The following AMOTL2 variants were observed in gnomAD, a reference collection of about 807,000 sequenced individuals.
The protein encoded by AMOTL2 is angiomotin like 2.
AMOTL2 carries 33 observed loss-of-function variants against 78.4 expected under a neutral mutation model. The ratio of observed to expected loss-of-function variants is 0.42; its 90% CI spans 0.32 to 0.56. The LOEUF is 0.56. AMOTL2 is among the 20% of genes least tolerant of loss of function. AMOTL2 has a pLI of 0.12. For synonymous variants in AMOTL2, 422 were observed against 428.8 expected (o/e 0.98, Z 0.20); for missense variants, 983 against 1,030.1 (o/e 0.95, Z 0.63).
At position 134,360,312 on chromosome 3, in the gene AMOTL2, G is replaced by C. The variant is rs760293974; in HGVS notation, c.1677C>G (p.Ile559Met). The C allele has an allele frequency of 6.2e-7, 1 of 1,614,202 alleles. No homozygotes were observed. The highest frequency in any genetic ancestry group is 1.3e-5 in the African/African-American group (1 of 75,048). The change falls in exon 7 of 10, where the codon ATC becomes ATG. Residue 559 changes from isoleucine (I) to methionine (M), a missense_variant. Ile to Met is a conservative substitution (Grantham distance 10, BLOSUM62 1). Transcript: ENST00000249883. ...SEQLREKEEQ[I>M]LALEADMTKW... ...TGGTCATGTCGGCCTCCAGCGCCAG[G>C]ATCTGCTCCTCCTTCTCTCGCAGTT...
rs781753734 is a variant in AMOTL2, at chr3:134,359,319, G to A, written c.2068C>T (p.Arg690Ter). 8 of 1,614,170 alleles carry A rather than the reference G, an allele frequency of 5.0e-6. No individual in the cohort carries two copies. The highest frequency in any genetic ancestry group is 1.7e-5 in the Admixed American group (1 of 60,024). Residue 690 changes from arginine (R) to a stop codon, truncating the protein, a stop_gained, in exon 8 of 10, where the codon CGA becomes TGA. Coordinates refer to ENST00000249883, the MANE Select transcript of AMOTL2 (RefSeq NM_016201.4). LOFTEE classifies it high-confidence loss of function. Reference protein sequence around the residue: ...QGWQGLSSSERQTADAPARLT... With the variant: ...QGWQGLSSSE ...CGAGCAGGGGCGTCTGCTGTTTGTC[G>A]CTCACTAGAAGAGAGCCCTTGCCAG... is the stretch of plus-strand genomic sequence containing the variant.
In AMOTL2 at chr3:134,358,727, G is replaced by A; in HGVS notation, c.2105-8C>T. On this transcript the variant is annotated splice_region_variant and splice_polypyrimidine_tract_variant and intron_variant, in intron 8 of 9. Transcript: ENST00000249883. The stretch of plus-strand genomic sequence containing the variant: ...CTGTGGGTGCTCTGTCTGCTGGAAA[G>A]GTAGGTGGATGGTTATTGCCATGCC... 1 of 1,614,050 alleles carries A rather than the reference G, an allele frequency of 6.2e-7. No homozygotes were observed. Among genetic ancestry groups the A allele is most frequent in the Non-Finnish European group, 8.5e-7 (1 of 1,180,002 alleles).
chr3:134,355,573 C>T lies in AMOTL2; in HGVS notation c.*2132G>A, dbSNP rs1051630367. ...AAGGATAAAGCCATCTTTGGACACCCACTCCCACTGTGGATAACCACAGCG... is the reference window on the plus strand; with the variant it reads ...AAGGATAAAGCCATCTTTGGACACCTACTCCCACTGTGGATAACCACAGCG... On this transcript the variant is annotated 3_prime_UTR_variant, in exon 10 of 10. Transcript: ENST00000249883. Among the ~76,000 whole-genome samples, 1 of 152,198 alleles carries T rather than the reference C, an allele frequency of 6.6e-6. No individual in the cohort carries two copies. The highest frequency in any genetic ancestry group is 2.4e-5 in the African/African-American group (1 of 41,440).
intron 2 of AMOTL2, among the ~76,000 whole-genome samples, chr3:134,369,666 G>A (rs1160553960): frequency 6.6e-6 from 1 of 152,216 alleles, no homozygotes; most frequent in African/African-American, 2.4e-5. Context: ...AAAGCCGGAC[G>A]GTGGGAAAGT....
chr3:134,370,678 A>C, intron 2 of AMOTL2, 22 bp downstream of exon 2: 1 of 1,501,640 alleles, frequency 6.7e-7, no homozygotes, highest in Non-Finnish European at 8.9e-7. Context: ...GGAGTTGGAA[A>C]GCCCAAGGTG....
chr3:134,357,836 G>C, intron 9 of AMOTL2, 73 bp from the exon 10 acceptor site: 1 of 1,472,654 alleles, frequency 6.8e-7, no homozygotes, highest in Non-Finnish European at 9.5e-7. Context: ...TGGCACATTT[G>C]AAAGACAAAG....
rs1421529815 is a variant in AMOTL2 at position 134,371,490 on chromosome 3, A to G, written c.-57T>C. The G allele has an allele frequency of 1.9e-6, 3 of 1,588,134 alleles. No homozygotes were observed. The highest frequency in any genetic ancestry group is 2.2e-5 in the South Asian group (2 of 90,890). ...AATGGCCGGTGGCACCTGGCCCCAG[A>G]GCACCTGGAGTGGGGTGGGGAGAGA... On this transcript the variant is annotated 5_prime_UTR_variant, in exon 2 of 10. Coordinates refer to ENST00000249883, the MANE Select transcript of AMOTL2 (RefSeq NM_016201.4).
chr3:134,366,428 C>A lies in AMOTL2; in HGVS notation c.1042-1G>T. On this transcript the variant is annotated splice_acceptor_variant, in intron 3 of 9. Transcript: ENST00000249883. LOFTEE classifies it high-confidence loss of function. ...AGAGCCGCTGGATTTCGCTTTCCAG[C>A]TGCAAGAGTCAGACAGCAGAGCTGA... is the stretch of plus-strand genomic sequence containing the variant. The A allele has an allele frequency of 6.2e-7, 1 of 1,611,810 alleles. No homozygotes were observed. The highest frequency in any genetic ancestry group is 8.5e-7 in the Non-Finnish European group (1 of 1,179,608).
intron 1 of AMOTL2, among the ~76,000 whole-genome samples, chr3:134,372,663 G>T (rs1026485497): frequency 6.6e-6 from 1 of 152,082 alleles, no homozygotes; most frequent in Admixed American, 6.5e-5. Flanking sequence ...AGCCCATCTT[G>T]ACTTGGGCCA....
At position 134,359,411 on chromosome 3, in the gene AMOTL2, T is replaced by C. The variant is rs745411834; in HGVS notation, c.1976A>G (p.Gln659Arg). 3.1e-6 allele frequency: 5 copies of C among 1,614,056 alleles called. No homozygotes were observed. The highest frequency in any genetic ancestry group is 1.3e-5 in the African/African-American group (1 of 74,936). The change falls in exon 8 of 10, where the codon CAG becomes CGG. Residue 659 changes from glutamine (Q) to arginine (R), a missense_variant. Gln to Arg is a conservative substitution (Grantham distance 43). Transcript: ENST00000249883. ...CGACTTGGCAGGCCGCAGGGAGCCC[T>C]GGATGGCCTTGCCAGGGTCTCTCCT... The part of the protein sequence containing the change: ...RSRRDPGKAI[Q>R]GSLRPAKSVP...
Position 134,358,556 on chromosome 3 carries a change from C to G in AMOTL2, c.2268G>C (p.Gln756His), listed in dbSNP as rs1165014966. ...PDSLLGCSSS[Q>H]RAASLDSVAT... ...AGGACTTACCCAGAGAGGCTGCTCT[C>G]TGGCTACTGCTGCACCCCAGAAGGC... The change falls in exon 9 of 10, where the codon CAG (glutamine) becomes CAC (histidine). Residue 756 changes from glutamine to histidine, a missense_variant. Coordinates refer to ENST00000249883, the MANE Select transcript of AMOTL2 (RefSeq NM_016201.4). 12 of 1,613,544 alleles carry G rather than the reference C, an allele frequency of 7.4e-6. No homozygotes were observed. The highest frequency in any genetic ancestry group is 1.0e-5 in the Non-Finnish European group (12 of 1,179,834).
At chr3:134,358,927 C>T (rs1473141266) in intron 8 of AMOTL2, among the ~76,000 whole-genome samples, 1 of 152,196 alleles carries the variant, frequency 6.6e-6, no homozygotes, top group Non-Finnish European at 1.5e-5. Flanking sequence ...TGGTGGGACC[C>T]TTCCTTATAG....
intron 6 of AMOTL2, among the ~76,000 whole-genome samples, chr3:134,360,884 T>G (rs1181589208): frequency 6.6e-6 from 1 of 152,224 alleles, no homozygotes; most frequent in Middle Eastern, 3.2e-3. Flanking sequence ...ATATAAAAGC[T>G]GGCTGGTGGC....
In AMOTL2 at chr3:134,373,407, G is replaced by C. The variant is rs371851205; in HGVS notation, c.-62+935C>G. 17 of 932,502 alleles carry C rather than the reference G, an allele frequency of 1.8e-5. No homozygotes were observed. In the East Asian group the frequency reaches 1.8e-3, roughly 97 times the overall value. The allele number at this position is 932,502 out of a possible 1,614,324, so 57.8% of individuals were successfully genotyped here. On this transcript the variant is annotated intron_variant, in intron 1 of 9. Transcript: ENST00000249883. Reference sequence around the variant, plus strand: ...ACTGGGAGCAAGGAACATCTCCAAGGCCTCTCATCGCGAATTTGTCCCGGC... The same window carrying C: ...ACTGGGAGCAAGGAACATCTCCAAGCCCTCTCATCGCGAATTTGTCCCGGC...
chr3:134,362,886 C>G (rs1359190081), intron 5 of AMOTL2, among the ~76,000 whole-genome samples: 1 of 152,106 alleles, frequency 6.6e-6, no homozygotes, highest in African/African-American at 2.4e-5. Flanking sequence ...TATGGGCTCC[C>G]GCTAATGAAC....
At chr3:134,357,924 C>T (rs973061073) in intron 9 of AMOTL2, among the ~76,000 whole-genome samples, 161 bp from the exon 10 acceptor site, 1 of 152,242 alleles carries the variant, frequency 6.6e-6, no homozygotes, top group South Asian at 2.1e-4. Flanking sequence ...TGCTCTGCCC[C>T]CTTTCAGTGC....
chr3:134,358,667 AT>A lies in AMOTL2; in HGVS notation c.2156del (p.His719LeufsTer46). On this transcript the variant is annotated frameshift_variant, in exon 9 of 10. Transcript: ENST00000249883. LOFTEE classifies it high-confidence loss of function. ...TCCCATCTCTGCTCCCGTGTTTGGCATGGGCAGCAGGGGGAGCTGTGACCAC... is the reference window on the plus strand; with the variant it reads ...TCCCATCTCTGCTCCCGTGTTTGGCAGGGCAGCAGGGGGAGCTGTGACCAC... ...EPVVTAPPAA[H>X]AKHGSRDGST... 6.2e-7 allele frequency: 1 copy of A among 1,614,056 alleles called. No individual in the cohort carries two copies. Among genetic ancestry groups the A allele is most frequent in the East Asian group, 2.2e-5 (1 of 44,854 alleles).
rs752185703 is a variant in AMOTL2, at chr3:134,357,774, A to G, written c.2285-11T>C. The G allele has an allele frequency of 1.2e-6, 2 of 1,613,876 alleles. No individual in the cohort carries two copies. Among genetic ancestry groups the G allele is most frequent in the South Asian group, 2.2e-5 (2 of 91,080 alleles). ...ATGTAGCTACAGAGTCTGGAGACAG[A>G]CAAGAACACAGGCACATGCCAATGA... is the stretch of plus-strand genomic sequence containing the variant. On this transcript the variant is annotated splice_polypyrimidine_tract_variant and intron_variant, in intron 9 of 9. Coordinates refer to ENST00000249883, the MANE Select transcript of AMOTL2 (RefSeq NM_016201.4).
At chr3:134,364,050 G>GAGGAGGGC (rs763149245) in intron 5 of AMOTL2, among the ~76,000 whole-genome samples, 68 of 152,196 alleles carry the variant, frequency 4.5e-4, no homozygotes, top group Non-Finnish European at 7.5e-4. Context: ...AAGGCCAGCG[G>GAGGAGGGC]AGGAGGGCAG....
Sources: gnomAD v4.1 joint callset for allele counts (sites outside exome capture counted in the v4.1 genomes callset) on GRCh38, gnomAD v4.1.1 for gene constraint, MANE v1.5 for transcripts, NCBI Gene and HGNC (gene_info 2026-07-23, HGNC 2026-07-21) for gene names.